The following ZNF367 variants were observed in gnomAD, a reference collection of about 807,000 sequenced individuals.
The protein encoded by ZNF367 is C2H2 zinc finger protein ZFF29.
Under a neutral mutation model 31.8 loss-of-function variants are expected in ZNF367, and 11 were observed. The observed-to-expected ratio is 0.35, with a 90% CI of 0.22 to 0.57. The LOEUF is 0.57. ZNF367 is among the 20% of genes least tolerant of loss of function. The pLI, the probability that ZNF367 is intolerant of heterozygous loss-of-function variation, is 0.85. For synonymous variants in ZNF367, 199 were observed against 202.4 expected (o/e 0.98, Z 0.14); for missense variants, 353 against 484.1 (o/e 0.73, Z 2.54).
intron 1 of ZNF367, among the ~76,000 whole-genome samples, chr9:96,415,099 G>A (rs1361801897): frequency 6.7e-6 from 1 of 149,774 alleles, no homozygotes; most frequent in Non-Finnish European, 1.5e-5. Context: ...CTGTCGCCCA[G>A]GCTGGAGTGC....
At chr9:96,392,342 A>G in intron 4 of ZNF367, 56 bp downstream of exon 4, 2 of 1,612,710 alleles carry the variant, frequency 1.2e-6, no homozygotes, top group Non-Finnish European at 1.7e-6. Flanking sequence ...GGTCCCTGAC[A>G]TAGCCCCAGC....
At chr9:96,409,056 T>C (rs771910743) in intron 1 of ZNF367, among the ~76,000 whole-genome samples, 1 of 148,020 alleles carries the variant, frequency 6.8e-6, no homozygotes, top group African/African-American at 2.5e-5. Context: ...TACCATGAGA[T>C]CTGACTGTTA....
chr9:96,406,785 G>C (rs1320347146), intron 1 of ZNF367, among the ~76,000 whole-genome samples: 1 of 151,810 alleles, frequency 6.6e-6, no homozygotes, highest in Non-Finnish European at 1.5e-5. Context: ...CGGATCACGA[G>C]GTCAACAGAT....
At position 96,417,607 on chromosome 9, in the gene ZNF367, G is replaced by A; in HGVS notation, c.420+6C>T. ...TCCCGCCCGCCCGCCCGCCCGCGCC[G>A]CTCACCTTGAGGTGGCCGCTGTCTG... On this transcript the variant is annotated splice_donor_region_variant and intron_variant, in intron 1 of 4. Transcript: ENST00000375256. The surrounding 1 kb of genome is among the most constrained non-coding windows in gnomAD (Gnocchi z 5.0). 1.8e-6 allele frequency: 1 copy of A among 542,862 alleles called. No individual in the cohort carries two copies. Among genetic ancestry groups the A allele is most frequent in the Non-Finnish European group, 2.7e-6 (1 of 367,448 alleles). The allele number at this position is 542,862 out of a possible 1,614,324, so 33.6% of individuals were successfully genotyped here.
chr9:96,398,291 G>A lies in ZNF367; in HGVS notation c.444C>T (p.Pro148=). The A allele has an allele frequency of 6.2e-7, 1 of 1,609,586 alleles. No individual in the cohort carries two copies. Among genetic ancestry groups the A allele is most frequent in the Non-Finnish European group, 8.5e-7 (1 of 1,178,330 alleles). ...TTAAATCGCGGACAGTATCTGCTCTGGGCCTACCACGTCGGATTCCATCCT... is the reference window on the plus strand; with the variant it reads ...TTAAATCGCGGACAGTATCTGCTCTAGGCCTACCACGTCGGATTCCATCCT... ...HLKDGIRRGR[P]RADTVRDLIN... The change falls in exon 2 of 5, where the codon CCC becomes CCT. Residue 148 remains proline, a synonymous_variant. Coordinates refer to ENST00000375256, the MANE Select transcript of ZNF367 (RefSeq NM_153695.4).
At chr9:96,404,388 ATC>A (rs1831644905) in intron 1 of ZNF367, among the ~76,000 whole-genome samples, 1 of 152,038 alleles carries the variant, frequency 6.6e-6, no homozygotes, top group South Asian at 2.1e-4. Flanking sequence ...AGGTCAAGAG[ATC>A]GAGACCATCC....
In ZNF367 at chr9:96,398,178, T is replaced by C. The variant is rs1203731059; in HGVS notation, c.557A>G (p.Lys186Arg). Residue 186 changes from lysine to arginine, a missense_variant, in exon 2 of 5, where the codon AAA (lysine) becomes AGA (arginine). By Grantham distance (26) the Lys-to-Arg change is conservative (BLOSUM62 2). This residue lies in a region of ZNF367 where 57 missense variants were observed against 141.9 expected (regional missense o/e 0.40). Coordinates refer to ENST00000375256, the MANE Select transcript of ZNF367 (RefSeq NM_153695.4). ...FPREKSLQAH[K>R]RTHTGERPYL... ...GCTCAACTTACCTGTATGAGTCCTT[T>C]TGTGAGCCTGGAGCGATTTCTCCCG... 6.2e-7 allele frequency: 1 copy of C among 1,604,904 alleles called. No individual in the cohort carries two copies. Among genetic ancestry groups the C allele is most frequent in the African/African-American group, 1.3e-5 (1 of 74,140 alleles).
chr9:96,401,271 GAT>G (rs1831600245), intron 1 of ZNF367, among the ~76,000 whole-genome samples: 1 of 152,048 alleles, frequency 6.6e-6, no homozygotes, highest in Non-Finnish European at 1.5e-5. Flanking sequence ...TCCTCGATAA[GAT>G]TAACAGCTGA....
intron 1 of ZNF367, among the ~76,000 whole-genome samples, chr9:96,412,255 G>A (rs924250852): frequency 1.3e-5 from 2 of 152,038 alleles, no homozygotes; most frequent in African/African-American, 2.4e-5. Context: ...TTGACGATTC[G>A]CAACACAAAA....
rs1831414472 is a variant in ZNF367, at chr9:96,386,962, T to C, written c.*1275A>G. On this transcript the variant is annotated 3_prime_UTR_variant, in exon 5 of 5. Coordinates refer to ENST00000375256, the MANE Select transcript of ZNF367 (RefSeq NM_153695.4). ...ATGCTATGCATGTCATTTAGTTCTG[T>C]TTAGAACAAAAGCCAAAATGATGGA... is the stretch of plus-strand genomic sequence containing the variant. The C allele has an allele frequency of 6.6e-6, 1 of 152,218 alleles. No homozygotes were observed. The highest frequency in any genetic ancestry group is 2.1e-4 in the South Asian group (1 of 4,832). 9.4% of individuals were successfully genotyped at this position (152,218 alleles called of 1,614,324 possible). A position where few individuals can be genotyped will look rare whatever the true frequency, so the allele number is the denominator to read the frequency against.
intron 1 of ZNF367, among the ~76,000 whole-genome samples, chr9:96,400,392 CAAAAAAAAAAA>C (rs57650386): frequency 1.4e-5 from 1 of 71,898 alleles, no homozygotes; most frequent in African/African-American, 5.9e-5. Flanking sequence ...GACCCTGTCT[CAAAAAAAAAAA>C]AAAAAAAAAG....
At chr9:96,396,449 TA>T (rs1162670797) in intron 2 of ZNF367, among the ~76,000 whole-genome samples, 3 of 151,804 alleles carry the variant, frequency 2.0e-5, no homozygotes, top group Non-Finnish European at 4.4e-5. Context: ...GGATTTAACT[TA>T]AAAAAAACCT....
chr9:96,416,090 T>G (rs867817718), intron 1 of ZNF367, among the ~76,000 whole-genome samples: 1,814 of 134,774 alleles, frequency 0.013, 22 homozygotes, highest in African/African-American at 0.02. Context: ...TTTTGTTGTT[T>G]TTTTTTTTTT....
At chr9:96,394,779 A>G in intron 3 of ZNF367, 44 bp downstream of exon 3, 2 of 1,564,810 alleles carry the variant, frequency 1.3e-6, no homozygotes, top group Non-Finnish European at 1.7e-6. Flanking sequence ...TTAACTGTTA[A>G]GTCACAACTA....
At chr9:96,391,408 C>T (rs755676466) in intron 4 of ZNF367, among the ~76,000 whole-genome samples, 2 of 152,176 alleles carry the variant, frequency 1.3e-5, no homozygotes, top group Non-Finnish European at 2.9e-5. Context: ...GAGGCTTAGC[C>T]AAGTGGGGAG....
At chr9:96,408,312 G>A (rs932163604) in intron 1 of ZNF367, among the ~76,000 whole-genome samples, 2 of 152,196 alleles carry the variant, frequency 1.3e-5, no homozygotes, top group African/African-American at 4.8e-5. Context: ...GCACATCTGT[G>A]TTCATTGCAG....
chr9:96,415,221 A>ATTTTTTT (rs775576212), intron 1 of ZNF367, among the ~76,000 whole-genome samples: 1 of 128,902 alleles, frequency 7.8e-6, no homozygotes, highest in Non-Finnish European at 1.6e-5. Context: ...CCCCTGGCCA[A>ATTTTTTT]TTTTTTTTTT....
intron 1 of ZNF367, among the ~76,000 whole-genome samples, chr9:96,415,969 A>G (rs563001150): frequency 4.3e-4 from 64 of 150,054 alleles, no homozygotes; most frequent in Non-Finnish European, 6.5e-4. Context: ...GATGCGGTCT[A>G]TGTTGCCCAG....
intron 1 of ZNF367, among the ~76,000 whole-genome samples, chr9:96,401,323 C>T (rs959573336): frequency 2.0e-5 from 3 of 151,944 alleles, no homozygotes; most frequent in Admixed American, 6.6e-5. Flanking sequence ...GTCAGGAGCT[C>T]GAGACCGGCC....
Sources: allele counts gnomAD v4.1 joint callset (sites outside exome capture counted in the v4.1 genomes callset), GRCh38; gene constraint gnomAD v4.1.1; regional missense constraint gnomAD v4.1.1; non-coding constraint Gnocchi (gnomAD v3.1); transcripts MANE v1.5; gene names NCBI Gene and HGNC (gene_info 2026-07-23, HGNC 2026-07-21).